KCTD1: variants seen among roughly 807,000 people sequenced by gnomAD.
KCTD1 encodes the protein BTB/POZ domain-containing protein KCTD1.
In KCTD1, 24 loss-of-function variants were observed where a neutral mutation model predicts 66.0. The observed-to-expected ratio is 0.36, with a 90% CI of 0.26 to 0.51. KCTD1 has a LOEUF of 0.51. KCTD1 is among the 20% of genes least tolerant of loss of function. The probability of loss-of-function intolerance (pLI) is 0.95; values close to 1 mark genes in which losing one functional copy is unlikely to be tolerated. For missense variants in KCTD1, 943 were observed against 1,205.2 expected, an observed-to-expected ratio of 0.78 and a Z score of 3.22; for synonymous variants, 511 against 517.2, an observed-to-expected ratio of 0.99 and a Z score of 0.16.
chr18:26,495,373 T>C (rs560559931), intron 2 of KCTD1, among the ~76,000 whole-genome samples: 59 of 152,292 alleles, frequency 3.9e-4, no homozygotes, highest in African/African-American at 1.4e-3. Context: ...GAATTTCCTT[T>C]TGGTGTAGCT....
At chr18:26,461,552 C>T (rs80207284) in intron 3 of KCTD1, among the ~76,000 whole-genome samples, 23,583 of 152,164 alleles carry the variant, frequency 0.15, 2,103 homozygotes, top group Non-Finnish European at 0.19. Flanking sequence ...AGGGCAGAAC[C>T]GGGGCCCTTA....
chr18:26,494,778 C>T (rs960619821), intron 2 of KCTD1, among the ~76,000 whole-genome samples: 3 of 152,130 alleles, frequency 2.0e-5, no homozygotes, highest in Non-Finnish European at 4.4e-5. Flanking sequence ...GGTGCTTTCC[C>T]CCCTTTTAAG....
chr18:26,467,570 C>G (rs1980811447), intron 3 of KCTD1, among the ~76,000 whole-genome samples: 1 of 151,520 alleles, frequency 6.6e-6, no homozygotes, highest in African/African-American at 2.4e-5. Context: ...TATCCCAGCA[C>G]TTTGGGAGGC....
intron 2 of KCTD1, among the ~76,000 whole-genome samples, chr18:26,488,241 T>C (rs931731318): frequency 6.6e-6 from 1 of 152,170 alleles, no homozygotes; most frequent in African/African-American, 2.4e-5. Context: ...ACAACCTTTA[T>C]TCCAGTCCAT....
At chr18:26,564,092 C>A (rs1419786839) in intron 1 of KCTD1, among the ~76,000 whole-genome samples, 1 of 151,002 alleles carries the variant, frequency 6.6e-6, no homozygotes, top group African/African-American at 2.4e-5. Flanking sequence ...ATGTTTCTTG[C>A]ATGTATTGTA....
At chr18:26,600,496 G>GT (rs567525992) in intron 1 of KCTD1, among the ~76,000 whole-genome samples, 18 of 152,100 alleles carry the variant, frequency 1.2e-4, no homozygotes, top group African/African-American at 4.1e-4. Context: ...TGGCTGGGGG[G>GT]GGTGCAGTGG....
At chr18:26,491,496 G>C (rs1488980854) in intron 2 of KCTD1, among the ~76,000 whole-genome samples, 1 of 152,160 alleles carries the variant, frequency 6.6e-6, no homozygotes, top group Non-Finnish European at 1.5e-5. Flanking sequence ...TGGACATGTG[G>C]GCCTGAAAGA....
chr18:26,455,929 T>A (rs757163144), intron 4 of KCTD1, 28 bp from the exon 5 acceptor site: 1 of 1,607,358 alleles, frequency 6.2e-7, no homozygotes, highest in Admixed American at 1.7e-5. Context: ...AAGCATCCAG[T>A]TAGGGGTGAG....
chr18:26,629,712 T>A (rs2145038615), upstream of KCTD1, among the ~76,000 whole-genome samples: 1 of 129,828 alleles, frequency 7.7e-6, no homozygotes, highest in Non-Finnish European at 1.5e-5. Context: ...GGAAAGAGAT[T>A]GACCCCCCCG....
chr18:26,638,532 T>C (rs942700385), intron 1 of KCTD1, among the ~76,000 whole-genome samples: 14 of 152,252 alleles, frequency 9.2e-5, no homozygotes, highest in Admixed American at 6.5e-5. Context: ...CAGGTTTGAA[T>C]CACGTCTCTA....
chr18:26,653,547 A>G (rs1988075232), intron 1 of KCTD1, among the ~76,000 whole-genome samples: 1 of 152,210 alleles, frequency 6.6e-6, no homozygotes, highest in Non-Finnish European at 1.5e-5. Context: ...TGTCTGGACT[A>G]TAAGCTCCAT....
intron 3 of KCTD1, among the ~76,000 whole-genome samples, chr18:26,466,303 T>C (rs1414374749): frequency 1.3e-5 from 2 of 152,206 alleles, no homozygotes; most frequent in Non-Finnish European, 2.9e-5. Flanking sequence ...CACATGTTAA[T>C]GGCACCTCCT....
chr18:26,503,587 A>G (rs1360077664), intron 1 of KCTD1, among the ~76,000 whole-genome samples: 1 of 152,090 alleles, frequency 6.6e-6, no homozygotes, highest in Non-Finnish European at 1.5e-5. Context: ...TAGTTTTTCA[A>G]TTGGACACAT....
upstream of KCTD1, chr18:26,549,342 C>T (rs572170861): frequency 3.1e-5 from 31 of 985,590 alleles, no homozygotes; most frequent in Admixed American, 6.1e-5. Flanking sequence ...ACGTCAGCCA[C>T]ATCCCTTTCG....
At chr18:26,469,049 C>T (rs755344094) in intron 3 of KCTD1, among the ~76,000 whole-genome samples, 22 of 152,174 alleles carry the variant, frequency 1.4e-4, no homozygotes, top group Non-Finnish European at 1.2e-4. Context: ...ACCCCTTCAG[C>T]TTCTGCTGCC....
At chr18:26,561,287 A>G (rs1985842627) in intron 1 of KCTD1, among the ~76,000 whole-genome samples, 1 of 152,206 alleles carries the variant, frequency 6.6e-6, no homozygotes, top group Admixed American at 6.5e-5. Context: ...AGAGAGTAGC[A>G]TTGAGGAACT....
rs1304371809 is a variant in KCTD1, at chr18:26,581,787, C to T, written c.-16+47360G>A. ...TGAATGAATGAATATAACACAACAC[C>T]TAGGGAGCTATATAAAATATATATG... On this transcript the variant is annotated intron_variant, in intron 1 of 4. Transcript: ENST00000317932. The T allele has an allele frequency of 2.6e-5, 4 of 151,962 alleles. No homozygotes were observed. In the East Asian group the frequency reaches 7.7e-4, roughly 29 times the overall value. 9.4% of individuals were successfully genotyped at this position (151,962 alleles called of 1,614,324 possible).
intron 3 of KCTD1, among the ~76,000 whole-genome samples, chr18:26,464,807 T>C (rs2144551297): frequency 6.6e-6 from 1 of 152,268 alleles, no homozygotes; most frequent in East Asian, 1.9e-4. Flanking sequence ...AGTGGGTGGT[T>C]CCCTAGCAGG....
chr18:26,505,552 C>T (rs190588020), intron 1 of KCTD1, among the ~76,000 whole-genome samples: 4 of 152,284 alleles, frequency 2.6e-5, no homozygotes, highest in East Asian at 1.9e-4. Context: ...TCCTTTGCAA[C>T]ATTTTTACTA....
Sources: gnomAD v4.1 joint callset for allele counts (sites outside exome capture counted in the v4.1 genomes callset) on GRCh38, gnomAD v4.1.1 for gene constraint, MANE v1.5 for transcripts, NCBI Gene and HGNC (gene_info 2026-07-23, HGNC 2026-07-21) for gene names.